MUC5B: variants seen among roughly 807,000 people sequenced by gnomAD.
MUC5B encodes the protein mucin 5B, oligomeric mucus/gel-forming, also known as mucin-5B.
A neutral mutation model predicts 376.9 loss-of-function variants in MUC5B; 116 were observed. The observed-to-expected ratio is 0.31, with a 90% CI of 0.26 to 0.36. The LOEUF is 0.36. Ranked by LOEUF, MUC5B falls within the 10% of genes least tolerant of loss-of-function variation. The pLI is 1.00. For missense variants in MUC5B, 7,165 were observed against 7,769.9 expected (o/e 0.92, Z 2.93); for synonymous variants, 3,517 against 3,390.9 (o/e 1.04, Z -1.29).
In MUC5B at chr11:1,257,137, CG is replaced by C; in HGVS notation, c.16238-97del. ...AAAAGTTCTCCAGGGCCTTCCATCC[CG>C]GGGGGAAGCAGGCTCCAGGCCTGAG... On this transcript the variant is annotated intron_variant, in intron 39 of 48. Coordinates refer to ENST00000529681, the MANE Select transcript of MUC5B (RefSeq NM_002458.3). This position sits in a 1 kb window ranked among gnomAD's most constrained non-coding sequence, Gnocchi z 8.9. 7 of 756,530 alleles carry C rather than the reference CG, an allele frequency of 9.3e-6. No homozygotes were observed. Among genetic ancestry groups the C allele is most frequent in the Non-Finnish European group, 9.9e-6 (4 of 405,332 alleles). 46.9% of individuals were successfully genotyped at this position (756,530 alleles called of 1,614,324 possible). A position where few individuals can be genotyped will look rare whatever the true frequency, so the allele number is the denominator to read the frequency against.
chr11:1,247,973 C>G lies in MUC5B; in HGVS notation c.11093C>G (p.Thr3698Arg). 2 of 1,610,858 alleles carry G rather than the reference C, an allele frequency of 1.2e-6. No homozygotes were observed. The highest frequency in any genetic ancestry group is 1.7e-6 in the Non-Finnish European group (2 of 1,177,950). ...GTTWILTKLT[T>R]TATTTESTGS... ...ACCTGGATCCTCACAAAGCTGACCA[C>G]AACAGCCACTACGACTGAGTCCACT... Residue 3698 changes from threonine (T) to arginine (R), a missense_variant, in exon 31 of 49, where the codon ACA becomes AGA. Thr to Arg is a moderately conservative substitution (Grantham distance 71). Around this residue, in one of 31 missense-constraint regions of MUC5B, gnomAD observed 90 missense variants for 71.1 expected, o/e 1.27. Transcript: ENST00000529681.
intron 19 of MUC5B, 64 bp downstream of exon 19, chr11:1,233,912 C>T (rs1030882629): frequency 1.6e-4 from 238 of 1,482,316 alleles, no homozygotes; most frequent in Non-Finnish European, 2.0e-4. Context: ...TGGCCTGGCC[C>T]CAACACGCCC....
Position 1,249,216 on chromosome 11 carries a change from C to G in MUC5B, c.12336C>G (p.Pro4112=). The change falls in exon 31 of 49, where the codon CCC becomes CCG. Residue 4112 remains proline (P), a synonymous_variant. Coordinates refer to ENST00000529681, the MANE Select transcript of MUC5B (RefSeq NM_002458.3). ...PSKTRTSTLL[P]SSPTSAPITT... is the part of the protein sequence containing the mutation. ...AGACCCGCACCTCGACCCTGCTGCC[C>G]AGCAGCCCCACATCGGCCCCCATAA... The G allele has an allele frequency of 6.2e-7, 1 of 1,611,524 alleles. No individual in the cohort carries two copies. The highest frequency in any genetic ancestry group is 1.7e-5 in the Admixed American group (1 of 59,990).
At position 1,256,727 on chromosome 11, in the gene MUC5B, A is replaced by G. The variant is rs1234779180; in HGVS notation, c.16193A>G (p.Gln5398Arg). 2 of 1,559,826 alleles carry G rather than the reference A, an allele frequency of 1.3e-6. No homozygotes were observed. ...MAEGCFCPED[Q>R]ILFNAHMGIC... is the part of the protein sequence containing the mutation. The stretch of plus-strand genomic sequence containing the variant: ...GAGGGCTGCTTCTGCCCTGAGGACC[A>G]GATCCTCTTCAACGCACACATGGGC... Residue 5398 changes from glutamine to arginine, a missense_variant, in exon 39 of 49, where the codon CAG (glutamine) becomes CGG (arginine). Around this residue, in one of 31 missense-constraint regions of MUC5B, gnomAD observed 842 missense variants for 1,016.9 expected, o/e 0.83. Transcript: ENST00000529681.
rs368888615 is a variant in MUC5B, at chr11:1,255,066, C to T, written c.15690C>T (p.Asp5230=). The T allele has an allele frequency of 3.1e-5, 50 of 1,594,048 alleles. No individual in the cohort carries two copies. Among genetic ancestry groups the T allele is most frequent in the African/African-American group, 2.3e-4 (17 of 74,618 alleles). ...QCGTCTNNQR[D]DCLQRDGTTA... ...GCACCTGCACCAACAACCAGAGGGA[C>T]GACTGTCTCCAGCGGGACGGAACCA... The change falls in exon 36 of 49, where the codon GAC becomes GAT. Residue 5230 remains aspartate (D), a synonymous_variant. Transcript: ENST00000529681.
At position 1,253,009 on chromosome 11, in the gene MUC5B, C is replaced by T. The variant is rs750291673; in HGVS notation, c.15217+29C>T. The T allele has an allele frequency of 4.3e-6, 7 of 1,611,620 alleles. No homozygotes were observed. The highest frequency in any genetic ancestry group is 1.6e-4 in the Middle Eastern group (1 of 6,076). ...AGTGCGTCGGTGGCCGCGGGATTAC[C>T]CCGGGGGCAGGTGGAGCAGAGTGCA... On this transcript the variant is annotated intron_variant, in intron 33 of 48. Coordinates refer to ENST00000529681, the MANE Select transcript of MUC5B (RefSeq NM_002458.3). This position sits in a 1 kb window ranked among gnomAD's most constrained non-coding sequence, Gnocchi z 4.3.
rs1862114372 is a variant in MUC5B, at chr11:1,234,649, G to A, written c.2599G>A (p.Gly867Arg). 6.5e-7 allele frequency: 1 copy of A among 1,549,898 alleles called. No individual in the cohort carries two copies. ...CVHNEATYKP[G>R]ETIRVDCNTC... is the part of the protein sequence containing the mutation. Reference sequence around the variant, plus strand: ...GCACAACGAGGCCACCTACAAGCCTGGAGAGACCATCAGGGTCGACTGCAA... The same window carrying A: ...GCACAACGAGGCCACCTACAAGCCTAGAGAGACCATCAGGGTCGACTGCAA... Residue 867 changes from glycine (G) to arginine (R), a missense_variant, in exon 21 of 49, where the codon GGA becomes AGA. Coordinates refer to ENST00000529681, the MANE Select transcript of MUC5B (RefSeq NM_002458.3). The surrounding 1 kb of genome is among the most constrained non-coding windows in gnomAD (Gnocchi z 6.3).
rs748861558 is a variant in MUC5B, at chr11:1,252,949, C to T, written c.15186C>T (p.Ser5062=). Residue 5062 remains serine, a synonymous_variant, in exon 33 of 49, where the codon AGC becomes AGT. Transcript: ENST00000529681. ...TGCCCATCAAAGTGTCGGACCCGAGCCAGCCCTGTGACTTCCACTATGAGT... is the reference window on the plus strand; with the variant it reads ...TGCCCATCAAAGTGTCGGACCCGAGTCAGCCCTGTGACTTCCACTATGAGT... ...KHLPIKVSDP[S]QPCDFHYECE... 6.2e-7 allele frequency: 1 copy of T among 1,612,684 alleles called. No individual in the cohort carries two copies. Among genetic ancestry groups the T allele is most frequent in the South Asian group, 1.1e-5 (1 of 91,086 alleles).
chr11:1,240,980 G>C lies in MUC5B; in HGVS notation c.4100G>C (p.Arg1367Thr). Reference sequence around the variant, plus strand: ...GAGACGTTTGAAAACCTGAGGCAGAGAGGGTACCAGGTATGCCCTGTGCTG... The same window carrying C: ...GAGACGTTTGAAAACCTGAGGCAGACAGGGTACCAGGTATGCCCTGTGCTG... ...DFETFENLRQ[R>T]GYQVCPVLAD... is the part of the protein sequence containing the mutation. The change falls in exon 31 of 49, where the codon AGA becomes ACA. Residue 1367 changes from arginine to threonine, a missense_variant. Around this residue, in one of 31 missense-constraint regions of MUC5B, gnomAD observed 517 missense variants for 545.3 expected, o/e 0.95. Coordinates refer to ENST00000529681, the MANE Select transcript of MUC5B (RefSeq NM_002458.3). The C allele has an allele frequency of 6.2e-7, 1 of 1,613,458 alleles. No individual in the cohort carries two copies. The highest frequency in any genetic ancestry group is 8.5e-7 in the Non-Finnish European group (1 of 1,179,844).
In MUC5B at chr11:1,252,482, C is replaced by T; in HGVS notation, c.15003C>T (p.Pro5001=). The change falls in exon 32 of 49, where the codon CCC becomes CCT. Residue 5001 remains proline, a synonymous_variant. Coordinates refer to ENST00000529681, the MANE Select transcript of MUC5B (RefSeq NM_002458.3). ...PPVSSAPLSS[P]SPAPGCDNAI... ...TGTCCTCCGCCCCGCTGTCCTCGCC[C>T]TCCCCTGCCCCTGGCTGTGACAATG... 5 of 1,583,716 alleles carry T rather than the reference C, an allele frequency of 3.2e-6. No individual in the cohort carries two copies. Among genetic ancestry groups the T allele is most frequent in the Non-Finnish European group, 4.3e-6 (5 of 1,166,616 alleles).
In MUC5B at chr11:1,249,393, C is replaced by A. The variant is rs1399436249; in HGVS notation, c.12513C>A (p.Gly4171=). The part of the protein sequence containing the change: ...AGGAVCEQPL[G]LECRAQAQPG... ...GGGCCGTCTGTGAGCAGCCCCTGGG[C>A]CTCGAGTGCCGTGCCCAGGCCCAGC... Residue 4171 remains glycine, a synonymous_variant, in exon 31 of 49, where the codon GGC becomes GGA. Transcript: ENST00000529681. 1 of 1,611,100 alleles carries A rather than the reference C, an allele frequency of 6.2e-7. No individual in the cohort carries two copies. Among genetic ancestry groups the A allele is most frequent in the South Asian group, 1.1e-5 (1 of 90,988 alleles).
chr11:1,241,431 C>T lies in MUC5B; in HGVS notation c.4551C>T (p.Tyr1517=). Residue 1517 remains tyrosine (Y), a synonymous_variant, in exon 31 of 49, where the codon TAC becomes TAT. Coordinates refer to ENST00000529681, the MANE Select transcript of MUC5B (RefSeq NM_002458.3). The part of the protein sequence containing the change: ...CQWTEWFDED[Y]PKSEQLGGDV... ...GGACAGAGTGGTTTGATGAGGACTA[C>T]CCCAAGTCTGAACAACTTGGAGGGG... The T allele has an allele frequency of 6.2e-7, 1 of 1,613,518 alleles. No homozygotes were observed. Among genetic ancestry groups the T allele is most frequent in the South Asian group, 1.1e-5 (1 of 91,068 alleles).
chr11:1,245,653 G>A lies in MUC5B; in HGVS notation c.8773G>A (p.Val2925Ile), dbSNP rs765634729. ...LECRAQAQPGVPLRELGQVVE... is the reference protein window; with the variant it reads ...LECRAQAQPGIPLRELGQVVE... Reference sequence around the variant, plus strand: ...GTGCCGTGCCCAGGCCCAGCCTGGTGTCCCCCTGCGGGAGTTGGGCCAGGT... The same window carrying A: ...GTGCCGTGCCCAGGCCCAGCCTGGTATCCCCCTGCGGGAGTTGGGCCAGGT... Residue 2925 changes from valine (V) to isoleucine (I), a missense_variant, in exon 31 of 49, where the codon GTC (valine) becomes ATC (isoleucine). Physicochemically the swap from Val to Ile is conservative, Grantham distance 29 (BLOSUM62 3). Coordinates refer to ENST00000529681, the MANE Select transcript of MUC5B (RefSeq NM_002458.3). 4.6e-5 allele frequency: 74 copies of A among 1,601,482 alleles called. No homozygotes were observed. In the Admixed American group the frequency reaches 1.3e-3, roughly 27 times the overall value.
chr11:1,247,132 G>C lies in MUC5B; in HGVS notation c.10252G>C (p.Val3418Leu), dbSNP rs746978763. Reference protein sequence around the residue: ...STPGTTPIPPVLTTTATTPAA... With the variant: ...STPGTTPIPPLLTTTATTPAA... Reference sequence around the variant, plus strand: ...TCCAGGGACAACTCCCATCCCCCCAGTGCTGACCACCACCGCCACCACACC... The same window carrying C: ...TCCAGGGACAACTCCCATCCCCCCACTGCTGACCACCACCGCCACCACACC... Residue 3418 changes from valine to leucine, a missense_variant, in exon 31 of 49, where the codon GTG becomes CTG. Coordinates refer to ENST00000529681, the MANE Select transcript of MUC5B (RefSeq NM_002458.3). 4.4e-5 allele frequency: 68 copies of C among 1,536,536 alleles called. No homozygotes were observed. The highest frequency in any genetic ancestry group is 1.2e-4 in the East Asian group (5 of 41,474).
At position 1,242,063 on chromosome 11, in the gene MUC5B, G is replaced by A. The variant is rs1157845142; in HGVS notation, c.5183G>A (p.Arg1728His). The A allele has an allele frequency of 6.9e-6, 11 of 1,601,078 alleles. No homozygotes were observed. Among genetic ancestry groups the A allele is most frequent in the African/African-American group, 2.7e-5 (2 of 74,474 alleles). The change falls in exon 31 of 49, where the codon CGC (arginine) becomes CAC (histidine). Residue 1728 changes from arginine (R) to histidine (H), a missense_variant. By Grantham distance (29) the Arg-to-His change is conservative. Coordinates refer to ENST00000529681, the MANE Select transcript of MUC5B (RefSeq NM_002458.3). ...APTTMATSRA[R>H]PTGTASTASK... ...ACAACAATGGCAACCTCCAGAGCTC[G>A]CCCGACAGGCACAGCCAGCACCGCT... is the stretch of plus-strand genomic sequence containing the variant.
Position 1,251,208 on chromosome 11 carries a change from C to G in MUC5B, c.14328C>G (p.Ser4776=). 6.2e-7 allele frequency: 1 copy of G among 1,611,418 alleles called. No homozygotes were observed. The highest frequency in any genetic ancestry group is 8.5e-7 in the Non-Finnish European group (1 of 1,178,306). ...AQTTTPMSTM[S]TIHTSSTPET... is the part of the protein sequence containing the mutation. Reference sequence around the variant, plus strand: ...CCACCACACCCATGTCCACCATGTCCACAATCCACACCTCCTCTACTCCAG... The same window carrying G: ...CCACCACACCCATGTCCACCATGTCGACAATCCACACCTCCTCTACTCCAG... The change falls in exon 31 of 49, where the codon TCC becomes TCG. Residue 4776 remains serine, a synonymous_variant. Transcript: ENST00000529681.
chr11:1,233,951 C>A (rs1862098784), intron 19 of MUC5B, 103 bp downstream of exon 19: 4 of 1,230,142 alleles, frequency 3.3e-6, no homozygotes, highest in African/African-American at 3.0e-5. Context: ...CTGAACCCTG[C>A]CGGGCCAGGT....
In MUC5B at chr11:1,232,940, T is replaced by C; in HGVS notation, c.2066-73T>C. ...GCGATCCCCACGTCACAGACGGGGA[T>C]GCTGAGTTGAAGATGGGGGCTGGCC... On this transcript the variant is annotated intron_variant, in intron 17 of 48. Transcript: ENST00000529681. 5 of 1,480,500 alleles carry C rather than the reference T, an allele frequency of 3.4e-6. 1 individual carries two copies. In the East Asian group the frequency reaches 9.8e-5, roughly 29 times the overall value. 91.7% of individuals were successfully genotyped at this position (1,480,500 alleles called of 1,614,324 possible). A position where few individuals can be genotyped will look rare whatever the true frequency, so the allele number is the denominator to read the frequency against.
Position 1,257,376 on chromosome 11 carries a change from G to A in MUC5B, c.16269+105G>A. ...CAGGGCAGCTGTGGGGCGCCCGAGT[G>A]TGACGTGGACGTGCCAGTGGCTGGT... On this transcript the variant is annotated intron_variant, in intron 40 of 48. Coordinates refer to ENST00000529681, the MANE Select transcript of MUC5B (RefSeq NM_002458.3). The surrounding 1 kb of genome is among the most constrained non-coding windows in gnomAD (Gnocchi z 8.9). 2.1e-6 allele frequency: 2 copies of A among 937,050 alleles called. No homozygotes were observed. Among genetic ancestry groups the A allele is most frequent in the Non-Finnish European group, 3.5e-6 (2 of 574,376 alleles). The allele number at this position is 937,050 out of a possible 1,614,324, so 58.0% of individuals were successfully genotyped here.
Sources: gnomAD v4.1 joint callset for allele counts on GRCh38, gnomAD v4.1.1 for gene constraint, gnomAD v4.1.1 regional missense constraint, Gnocchi (gnomAD v3.1) non-coding constraint, MANE v1.5 for transcripts, NCBI Gene and HGNC (gene_info 2026-07-23, HGNC 2026-07-21) for gene names.